The following COL6A3 variants were observed in gnomAD, a reference collection of about 807,000 sequenced individuals.
The protein encoded by COL6A3 is collagen alpha-3(VI) chain.
COL6A3 carries 137 observed loss-of-function variants against 274.1 expected under a neutral mutation model. The observed-to-expected ratio is 0.50, with a 90% CI of 0.44 to 0.58. The LOEUF is 0.58. COL6A3 is among the 20% of genes least tolerant of loss of function. The pLI is 0.00. For missense variants in COL6A3, 3,950 were observed against 4,124.9 expected (o/e 0.96, Z 1.16); for synonymous variants, 1,650 against 1,650.6 (o/e 1.00, Z 0.01).
At chr2:237,396,439 T>C (rs1574759788) in intron 2 of COL6A3, among the ~76,000 whole-genome samples, 1 of 152,192 alleles carries the variant, frequency 6.6e-6, no homozygotes, top group African/African-American at 2.4e-5. Context: ...TGGTAAAACA[T>C]TTGAGATACA....
chr2:237,335,733 C>T (rs1700505172), intron 40 of COL6A3, among the ~76,000 whole-genome samples: 1 of 152,232 alleles, frequency 6.6e-6, no homozygotes, highest in Non-Finnish European at 1.5e-5. Context: ...CTCCATACAC[C>T]AGCCCAGAAA....
rs2645767 is a variant in COL6A3, at chr2:237,347,528, C to T, written c.7029+279G>A. Among the ~76,000 whole-genome samples, 26,138 of 152,040 alleles carry T rather than the reference C, an allele frequency of 0.17. 2,642 individuals carry two copies. The highest frequency in any genetic ancestry group is 0.27 in the African/African-American group (11,245 of 41,430). ...CTTCCCAGTCACCCATAATGAGATT[C>T]GAGACTGCAGGTGGGTGCTGTGCCT... On this transcript the variant is annotated intron_variant, in intron 31 of 43. Transcript: ENST00000295550.
chr2:237,387,019 A>G (rs185202719), intron 4 of COL6A3, among the ~76,000 whole-genome samples: 1 of 152,276 alleles, frequency 6.6e-6, no homozygotes, highest in East Asian at 1.9e-4. Flanking sequence ...TCACAAGCAC[A>G]AGAAAAAAAA....
At chr2:237,383,384 A>T (rs558221096) in intron 4 of COL6A3, among the ~76,000 whole-genome samples, 1 of 152,314 alleles carries the variant, frequency 6.6e-6, no homozygotes, top group East Asian at 1.9e-4. Flanking sequence ...ATGAACATCC[A>T]TTCTGGGCTT....
At chr2:237,410,054 G>A (rs1448803075) in intron 1 of COL6A3, among the ~76,000 whole-genome samples, 1 of 152,134 alleles carries the variant, frequency 6.6e-6, no homozygotes, top group Admixed American at 6.6e-5. Context: ...ATTATGAACA[G>A]CCACAATAAA....
Position 237,394,759 on chromosome 2 carries a change from A to T in COL6A3, c.537T>A (p.Asp179Glu), listed in dbSNP as rs1279724363. The change falls in exon 3 of 44, where the codon GAT becomes GAA. Residue 179 changes from aspartate to glutamate, a missense_variant. Asp to Glu is a conservative substitution (Grantham distance 45). Transcript: ENST00000295550. ...DVNVFAIGVE[D>E]ADEGALKEIA... ...TTTCTTTTAACGCTCCTTCATCTGC[A>T]TCCTCAACTCCAATTGCAAACACGT... The T allele has an allele frequency of 5.6e-6, 9 of 1,614,234 alleles. No homozygotes were observed.
intron 5 of COL6A3, among the ~76,000 whole-genome samples, chr2:237,380,392 G>A (rs1362978999): frequency 1.3e-5 from 2 of 152,222 alleles, no homozygotes; most frequent in Non-Finnish European, 2.9e-5. Flanking sequence ...GAACCACTAG[G>A]TTTGAACTCC....
chr2:237,397,960 A>C (rs990903319), intron 1 of COL6A3, among the ~76,000 whole-genome samples: 7 of 152,244 alleles, frequency 4.6e-5, no homozygotes, highest in African/African-American at 1.4e-4. Flanking sequence ...GAAATGGGTC[A>C]GGAGTAAAAG....
chr2:237,387,708 C>T lies in COL6A3; in HGVS notation c.1186G>A (p.Asp396Asn), dbSNP rs372071064. 3 of 1,614,034 alleles carry T rather than the reference C, an allele frequency of 1.9e-6. No homozygotes were observed. The highest frequency in any genetic ancestry group is 2.5e-6 in the Non-Finnish European group (3 of 1,179,972). Reference protein sequence around the residue: ...RAELQHIATDDNLVFTVPEFR... With the variant: ...RAELQHIATDNNLVFTVPEFR... ...TCCGGGACAGTAAACACCAAGTTGTCATCGGTAGCTATGTGCTGAAGCTCT... is the reference window on the plus strand; with the variant it reads ...TCCGGGACAGTAAACACCAAGTTGTTATCGGTAGCTATGTGCTGAAGCTCT... Residue 396 changes from aspartate to asparagine, a missense_variant, in exon 4 of 44, where the codon GAC becomes AAC. Physicochemically the swap from Asp to Asn is conservative, Grantham distance 23. Transcript: ENST00000295550.
At chr2:237,402,685 AAAG>A (rs2078622285) in intron 1 of COL6A3, among the ~76,000 whole-genome samples, 1 of 152,222 alleles carries the variant, frequency 6.6e-6, no homozygotes, top group Non-Finnish European at 1.5e-5. Context: ...AGGGTTTGGC[AAAG>A]AAGATCAGAG....
In COL6A3 at chr2:237,368,935, C is replaced by G. The variant is rs1293450770; in HGVS notation, c.4528G>C (p.Gly1510Arg). The G allele has an allele frequency of 2.5e-6, 4 of 1,614,244 alleles. No individual in the cohort carries two copies. Among genetic ancestry groups the G allele is most frequent in the Non-Finnish European group, 3.4e-6 (4 of 1,180,044 alleles). Residue 1510 changes from glycine to arginine, a missense_variant, in exon 10 of 44, where the codon GGG becomes CGG. Transcript: ENST00000295550. This position sits in a 1 kb window ranked among gnomAD's most constrained non-coding sequence, Gnocchi z 4.4. ...TTGCCAGTGTTCAGTGGGGACCCCCCTCTGAGCCTCAGGCGCCGTATGGCG... is the reference window on the plus strand; with the variant it reads ...TTGCCAGTGTTCAGTGGGGACCCCCGTCTGAGCCTCAGGCGCCGTATGGCG... The part of the protein sequence containing the change: ...LDAIRRLRLR[G>R]GSPLNTGKAL...
At chr2:237,362,557 C>T (rs1038345888) in intron 14 of COL6A3, among the ~76,000 whole-genome samples, 2 of 152,246 alleles carry the variant, frequency 1.3e-5, no homozygotes, top group Admixed American at 1.3e-4. Flanking sequence ...ACTCAACCTA[C>T]TTCCACTAGG....
chr2:237,410,854 A>G (rs942601393), intron 1 of COL6A3, among the ~76,000 whole-genome samples: 2 of 152,224 alleles, frequency 1.3e-5, no homozygotes, highest in Non-Finnish European at 2.9e-5. Context: ...GAAGTTTTAC[A>G]GTGGAAACAG....
intron 42 of COL6A3, among the ~76,000 whole-genome samples, chr2:237,332,117 A>ATATATTTTATATATATG (rs35490728): frequency 1.6e-5 from 1 of 64,170 alleles, no homozygotes; most frequent in East Asian, 6.7e-4. Flanking sequence ...ATATATATAT[A>ATATATTTTATATATATG]TGAAAAGAAA....
chr2:237,383,910 T>C lies in COL6A3; in HGVS notation c.1313-2411A>G, dbSNP rs191686529. Among the ~76,000 whole-genome samples the C allele has an allele frequency of 5.9e-5, 9 of 152,204 alleles. No individual in the cohort carries two copies. In the East Asian group the frequency reaches 1.7e-3, roughly 29 times the overall value. On this transcript the variant is annotated intron_variant, in intron 4 of 43. Transcript: ENST00000295550. ...TCCTTGCACCCAACAAGGATTCAGCTCTGGGAACCCTGAAATGCACCTCTG... is the reference window on the plus strand; with the variant it reads ...TCCTTGCACCCAACAAGGATTCAGCCCTGGGAACCCTGAAATGCACCTCTG...
chr2:237,370,403 T>C (rs926184230), intron 9 of COL6A3, among the ~76,000 whole-genome samples: 11 of 152,088 alleles, frequency 7.2e-5, no homozygotes, highest in Middle Eastern at 3.4e-3. Context: ...CACACCCAGC[T>C]AATTTTTGTA....
intron 31 of COL6A3, 131 bp downstream of exon 31, chr2:237,347,676 C>T: frequency 1.1e-6 from 1 of 941,506 alleles, no homozygotes; most frequent in Non-Finnish European, 1.7e-6. Flanking sequence ...GCTCAGGATT[C>T]CCTTCCTTCC....
intron 37 of COL6A3, among the ~76,000 whole-genome samples, chr2:237,341,369 C>A (rs936124752): frequency 7.9e-5 from 12 of 152,076 alleles, no homozygotes; most frequent in African/African-American, 2.9e-4. Flanking sequence ...CATGGTGAAA[C>A]CCTGTCTCTA....
intron 32 of COL6A3, among the ~76,000 whole-genome samples, chr2:237,346,193 G>A (rs1237862537): frequency 1.3e-5 from 2 of 152,142 alleles, no homozygotes; most frequent in Non-Finnish European, 2.9e-5. Context: ...AAGGTATTTA[G>A]ATTTCCCCTC....
Sources: gnomAD v4.1 joint callset for allele counts (sites outside exome capture counted in the v4.1 genomes callset) on GRCh38, gnomAD v4.1.1 for gene constraint, Gnocchi (gnomAD v3.1) non-coding constraint, MANE v1.5 for transcripts, NCBI Gene and HGNC (gene_info 2026-07-23, HGNC 2026-07-21) for gene names.